The following ATP2A3 variants were observed in gnomAD, a reference collection of about 807,000 sequenced individuals.
The protein encoded by ATP2A3 is sarcoplasmic/endoplasmic reticulum calcium ATPase 3.
Under a neutral mutation model 106.8 loss-of-function variants are expected in ATP2A3, and 61 were observed. That is an observed-to-expected ratio of 0.57 (90% CI 0.46 to 0.71). The LOEUF (loss-of-function observed/expected upper bound fraction) is 0.71. ATP2A3 is among the 30% of genes least tolerant of loss of function. ATP2A3 has a pLI of 0.00. For synonymous variants in ATP2A3, 611 were observed against 609.3 expected (o/e 1.00, Z -0.04); for missense variants, 1,201 against 1,423.5 (o/e 0.84, Z 2.52).
At chr17:3,932,046 C>G (rs2053132608) in intron 17 of ATP2A3, among the ~76,000 whole-genome samples, 2 of 152,346 alleles carry the variant, frequency 1.3e-5, no homozygotes, top group African/African-American at 4.8e-5. Context: ...GATAGAGAAT[C>G]TGATAATCTC....
chr17:3,958,231 G>T (rs1218236883), intron 1 of ATP2A3, among the ~76,000 whole-genome samples: 1 of 152,242 alleles, frequency 6.6e-6, no homozygotes, highest in Non-Finnish European at 1.5e-5. Flanking sequence ...GATGCCGGAA[G>T]ATTGAACGGC....
Position 3,936,721 on chromosome 17 carries a change from TACACAC to T in ATP2A3, c.2322-258_2322-253del, listed in dbSNP as rs57648128. On this transcript the variant is annotated intron_variant, in intron 15 of 20. Transcript: ENST00000397041. This position sits in a 1 kb window ranked among gnomAD's most constrained non-coding sequence, Gnocchi z 5.4. ...CTCTTTAGGCCTAGCAGAGGCCAAGTACACACACACACACACACACACACACACACA... is the reference window on the plus strand; with the variant it reads ...CTCTTTAGGCCTAGCAGAGGCCAAGTACACACACACACACACACACACACA... 2,786 of 406,066 alleles carry T rather than the reference TACACAC, an allele frequency of 6.9e-3. 3 individuals carry two copies. The highest frequency in any genetic ancestry group is 0.022 in the East Asian group (437 of 20,068). The allele number at this position is 406,066 out of a possible 1,614,324, so 25.2% of individuals were successfully genotyped here. A position where few individuals can be genotyped will look rare whatever the true frequency, so the allele number is the denominator to read the frequency against.
In ATP2A3 at chr17:3,947,552, G is replaced by A; in HGVS notation, c.934C>T (p.Pro312Ser). 6.2e-7 allele frequency: 1 copy of A among 1,613,074 alleles called. No homozygotes were observed. The highest frequency in any genetic ancestry group is 8.5e-7 in the Non-Finnish European group (1 of 1,179,944). The change falls in exon 8 of 21, where the codon CCG becomes TCG. Residue 312 changes from proline (P) to serine (S), a missense_variant. Around this residue, in one of 2 missense-constraint regions of ATP2A3, gnomAD observed 935 missense variants for 1,176.7 expected, o/e 0.79. Coordinates refer to ENST00000397041, the MANE Select transcript of ATP2A3 (RefSeq NM_005173.4). This position sits in a 1 kb window ranked among gnomAD's most constrained non-coding sequence, Gnocchi z 7.7. Reference sequence around the variant, plus strand: ...GCCAGGCATGTAGTGATGACAGCCGGGAGGCCCTCGGGGATGGCCGCCACC... The same window carrying A: ...GCCAGGCATGTAGTGATGACAGCCGAGAGGCCCTCGGGGATGGCCGCCACC... ...LAVAAIPEGL[P>S]AVITTCLALG...
intron 1 of ATP2A3, 64 bp downstream of exon 1, chr17:3,964,110 G>T: frequency 1.1e-6 from 1 of 911,998 alleles, no homozygotes; most frequent in Non-Finnish European, 1.4e-6. Context: ...GAGGCAGGAG[G>T]GGAAACTGAG....
At chr17:3,950,916 C>A in intron 5 of ATP2A3, 143 bp from the exon 6 acceptor site, 1 of 870,216 alleles carries the variant, frequency 1.1e-6, no homozygotes, top group Non-Finnish European at 1.8e-6. Flanking sequence ...GCCCCTCTGG[C>A]CCACAGTCTC....
At chr17:3,933,876 C>T (rs1186448317) in intron 17 of ATP2A3, among the ~76,000 whole-genome samples, 1 of 151,586 alleles carries the variant, frequency 6.6e-6, no homozygotes, top group Non-Finnish European at 1.5e-5. Flanking sequence ...TGCCTATGTC[C>T]TATTCCCTGT....
intron 12 of ATP2A3, among the ~76,000 whole-genome samples, 176 bp from the exon 13 acceptor site, chr17:3,941,830 C>A (rs2053798642): frequency 6.6e-6 from 1 of 152,214 alleles, no homozygotes; most frequent in South Asian, 2.1e-4. Context: ...CCAAGTGGGT[C>A]CCCCTGTGAG....
intron 12 of ATP2A3, 31 bp downstream of exon 12, chr17:3,942,575 A>G (rs758748181): frequency 4.4e-6 from 7 of 1,604,120 alleles, no homozygotes; most frequent in Admixed American, 1.7e-5. Context: ...CAGGGCGCGC[A>G]GGGGCCCAGG....
intron 1 of ATP2A3, among the ~76,000 whole-genome samples, chr17:3,959,492 G>C (rs940758264): frequency 6.6e-6 from 1 of 152,230 alleles, no homozygotes. Flanking sequence ...GAGCCAGGGA[G>C]AAGGGGGGTA....
Position 3,924,628 on chromosome 17 carries a change from G to A in ATP2A3, c.*794C>T. The A allele has an allele frequency of 2.6e-6, 1 of 383,644 alleles. No individual in the cohort carries two copies. Among genetic ancestry groups the A allele is most frequent in the African/African-American group, 2.1e-5 (1 of 48,274 alleles). The allele number at this position is 383,644 out of a possible 1,614,324, so 23.8% of individuals were successfully genotyped here. On this transcript the variant is annotated 3_prime_UTR_variant, in exon 21 of 21. Transcript: ENST00000397041. The surrounding 1 kb of genome is among the most constrained non-coding windows in gnomAD (Gnocchi z 6.4). ...TCTGCGTGGCAGACCGGGCGGCAGT[G>A]TGACTCTGAACATCTCCCGAGCTCA... is the stretch of plus-strand genomic sequence containing the variant.
chr17:3,945,009 T>G (rs1044680218), intron 9 of ATP2A3, 51 bp downstream of exon 9: 6 of 1,422,106 alleles, frequency 4.2e-6, no homozygotes, highest in Admixed American at 2.9e-5. Flanking sequence ...CCGCCACGCG[T>G]GGCCCCGCCC....
chr17:3,936,198 A>G lies in ATP2A3; in HGVS notation c.2524+69T>C. On this transcript the variant is annotated intron_variant, in intron 16 of 20. Coordinates refer to ENST00000397041, the MANE Select transcript of ATP2A3 (RefSeq NM_005173.4). This position sits in a 1 kb window ranked among gnomAD's most constrained non-coding sequence, Gnocchi z 5.4. ...AGCCAGGCTGAGTCACACTGTCTGC[A>G]GCTTGCAAGCCTGATACAAGGCTCT... 6.3e-7 allele frequency: 1 copy of G among 1,579,284 alleles called. No homozygotes were observed. The highest frequency in any genetic ancestry group is 1.1e-5 in the South Asian group (1 of 90,312).
rs762484534 is a variant in ATP2A3, at chr17:3,937,614, G to A, written c.2123C>T (p.Ala708Val). The change falls in exon 15 of 21, where the codon GCA becomes GTA. Residue 708 changes from alanine to valine, a missense_variant. By Grantham distance (64) the Ala-to-Val change is moderately conservative. Transcript: ENST00000397041. ...TAMTGDGVND[A>V]PALKKAEIGI... Reference sequence around the variant, plus strand: ...GATCTCTGCTTTCTTCAGGGCTGGTGCGTCGTTCACTCCATCGCCAGTCTG... The same window carrying A: ...GATCTCTGCTTTCTTCAGGGCTGGTACGTCGTTCACTCCATCGCCAGTCTG... 10 of 1,613,824 alleles carry A rather than the reference G, an allele frequency of 6.2e-6. No individual in the cohort carries two copies. Among genetic ancestry groups the A allele is most frequent in the African/African-American group, 1.3e-5 (1 of 74,932 alleles).
rs555668005 is a variant in ATP2A3, at chr17:3,936,752, A to G, written c.2322-283T>C. The G allele has an allele frequency of 0.029, 13,248 of 454,536 alleles. 330 individuals are homozygous for G. The highest frequency in any genetic ancestry group is 0.065 in the South Asian group (2,875 of 44,490). The allele number at this position is 454,536 out of a possible 1,614,324, so 28.2% of individuals were successfully genotyped here. A position where few individuals can be genotyped will look rare whatever the true frequency, so the allele number is the denominator to read the frequency against. On this transcript the variant is annotated intron_variant, in intron 15 of 20. Coordinates refer to ENST00000397041, the MANE Select transcript of ATP2A3 (RefSeq NM_005173.4). This position sits in a 1 kb window ranked among gnomAD's most constrained non-coding sequence, Gnocchi z 5.4. ...CACACACACACACACACACACACACACACGCACACGAAGAGGGCATGCCCA... is the reference window on the plus strand; with the variant it reads ...CACACACACACACACACACACACACGCACGCACACGAAGAGGGCATGCCCA...
chr17:3,942,471 G>T, intron 12 of ATP2A3, 135 bp downstream of exon 12: 2 of 1,331,126 alleles, frequency 1.5e-6, no homozygotes, highest in Non-Finnish European at 2.0e-6. Flanking sequence ...CCACCGGTTA[G>T]AGGCAAAAGG....
rs1343244438 is a variant in ATP2A3, at chr17:3,929,289, T to A, written c.2862+39A>T. On this transcript the variant is annotated intron_variant, in intron 19 of 20. Transcript: ENST00000397041. The surrounding 1 kb of genome is among the most constrained non-coding windows in gnomAD (Gnocchi z 4.3). The stretch of plus-strand genomic sequence containing the variant: ...AGTGACCAGCCCAGGGCCTGTGATG[T>A]CCAGGGACCAGGGCAGTGGGGCAGG... 2.6e-6 allele frequency: 4 copies of A among 1,511,916 alleles called. No homozygotes were observed. In the Admixed American group the frequency reaches 5.9e-5, roughly 22 times the overall value. The allele number at this position is 1,511,916 out of a possible 1,614,324, so 93.7% of individuals were successfully genotyped here.
At chr17:3,931,450 G>A (rs570889276) in intron 17 of ATP2A3, among the ~76,000 whole-genome samples, 7 of 151,854 alleles carry the variant, frequency 4.6e-5, no homozygotes, top group Non-Finnish European at 8.8e-5. Context: ...GTTTCCAACC[G>A]TTAACCAGCT....
In ATP2A3 at chr17:3,930,590, C is replaced by T. The variant is rs1597572381; in HGVS notation, c.2611-156G>A. The T allele has an allele frequency of 1.9e-5, 7 of 374,330 alleles. No individual in the cohort carries two copies. The highest frequency in any genetic ancestry group is 5.9e-5 in the South Asian group (3 of 50,492). 23.2% of individuals were successfully genotyped at this position (374,330 alleles called of 1,614,324 possible). A position where few individuals can be genotyped will look rare whatever the true frequency, so the allele number is the denominator to read the frequency against. The stretch of plus-strand genomic sequence containing the variant: ...TGGGCTGGGGATCCCGGGAGGGGTG[C>T]GGGGTCGGGGCGGCGGTGGGGAGAG... On this transcript the variant is annotated intron_variant, in intron 17 of 20. Transcript: ENST00000397041. This position sits in a 1 kb window ranked among gnomAD's most constrained non-coding sequence, Gnocchi z 5.4.
At chr17:3,927,717 C>A (rs1370502735) in intron 20 of ATP2A3, 2 of 984,792 alleles carry the variant, frequency 2.0e-6, no homozygotes, top group Non-Finnish European at 2.4e-6. Context: ...CCACCTGCAC[C>A]CTCGAGTGAG....
Sources: gnomAD v4.1 joint callset for allele counts (sites outside exome capture counted in the v4.1 genomes callset) on GRCh38, gnomAD v4.1.1 for gene constraint, gnomAD v4.1.1 regional missense constraint, Gnocchi (gnomAD v3.1) non-coding constraint, MANE v1.5 for transcripts, NCBI Gene and HGNC (gene_info 2026-07-23, HGNC 2026-07-21) for gene names.